NIBAN3: variants seen among roughly 807,000 people sequenced by gnomAD.
NIBAN3 encodes the protein protein Niban 3.
In NIBAN3, 66 loss-of-function variants were observed where a neutral mutation model predicts 76.4. The observed-to-expected ratio is 0.86, with a 90% CI of 0.71 to 1.06. The LOEUF is 1.06. Ranked by LOEUF, NIBAN3 falls within the 50% of genes least tolerant of loss-of-function variation. NIBAN3 has a pLI of 0.00. For synonymous variants in NIBAN3, 360 were observed against 355.2 expected (o/e 1.01, Z -0.15); for missense variants, 808 against 810.7 (o/e 1.00, Z 0.04).
At chr19:17,540,878 C>T (rs1023534920) in intron 9 of NIBAN3, among the ~76,000 whole-genome samples, 2 of 152,160 alleles carry the variant, frequency 1.3e-5, no homozygotes, top group East Asian at 1.9e-4. Flanking sequence ...GAAATACAGG[C>T]GCACGCCACC....
At chr19:17,539,530 C>A (rs560363849) in intron 7 of NIBAN3, 73 bp from the exon 8 acceptor site, 33 of 1,467,044 alleles carry the variant, frequency 2.2e-5, no homozygotes, top group Non-Finnish European at 3.0e-5. Context: ...TCGCCTAAAC[C>A]CTCTCCCGAT....
upstream of NIBAN3, among the ~76,000 whole-genome samples, chr19:17,526,591 T>G (rs2075611195): frequency 1.3e-5 from 2 of 150,858 alleles, no homozygotes; most frequent in Admixed American, 1.3e-4. Flanking sequence ...CAGGCTGCAG[T>G]GAGCCATGAT....
At chr19:17,546,846 G>A (rs1172649602) in intron 13 of NIBAN3, 49 bp downstream of exon 13, 2 of 1,549,962 alleles carry the variant, frequency 1.3e-6, no homozygotes, top group Non-Finnish European at 1.7e-6. Context: ...TCCCTTGGCT[G>A]TATGTACCGA....
chr19:17,552,138 G>T lies in NIBAN3; in HGVS notation c.*240G>T. On this transcript the variant is annotated 3_prime_UTR_variant, in exon 15 of 15. Transcript: ENST00000599164. Reference sequence around the variant, plus strand: ...CTGTCACCCGGGCTGGAGTGCAGTGGCAGGATCTCGGCTCACTGCAACCTC... The same window carrying T: ...CTGTCACCCGGGCTGGAGTGCAGTGTCAGGATCTCGGCTCACTGCAACCTC... 1 of 259,528 alleles carries T rather than the reference G, an allele frequency of 3.9e-6. No individual in the cohort carries two copies. The highest frequency in any genetic ancestry group is 2.3e-5 in the African/African-American group (1 of 44,282). The allele number at this position is 259,528 out of a possible 1,614,324, so 16.1% of individuals were successfully genotyped here.
Position 17,553,420 on chromosome 19 carries a change from C to G in NIBAN3, c.*1522C>G. The stretch of plus-strand genomic sequence containing the variant: ...TGCTAACTGGATATTGGCAGCTTCT[C>G]TGCTGTCTTGCAGCTGCTTCCGGAG... On this transcript the variant is annotated 3_prime_UTR_variant, in exon 15 of 15. Transcript: ENST00000599164. 3 of 1,614,202 alleles carry G rather than the reference C, an allele frequency of 1.9e-6. No individual in the cohort carries two copies. The highest frequency in any genetic ancestry group is 2.5e-6 in the Non-Finnish European group (3 of 1,180,034).
At chr19:17,531,469 T>C (rs1176285191) in intron 2 of NIBAN3, among the ~76,000 whole-genome samples, 1 of 152,026 alleles carries the variant, frequency 6.6e-6, no homozygotes, top group East Asian at 1.9e-4. Context: ...TGCGGTAACC[T>C]CTGGGGTTCA....
At position 17,542,078 on chromosome 19, in the gene NIBAN3, T is replaced by C. The variant is rs2075962906; in HGVS notation, c.1171-58T>C. 1 of 1,601,478 alleles carries C rather than the reference T, an allele frequency of 6.2e-7. No individual in the cohort carries two copies. Among genetic ancestry groups the C allele is most frequent in the African/African-American group, 1.3e-5 (1 of 74,770 alleles). On this transcript the variant is annotated intron_variant, in intron 9 of 14. Coordinates refer to ENST00000599164, the MANE Select transcript of NIBAN3 (RefSeq NM_001321827.2). This position sits in a 1 kb window ranked among gnomAD's most constrained non-coding sequence, Gnocchi z 4.8. ...TTTGGTGAATTGGTAATGGGGTCCCTGGCCCTTTGCAATCAGCTGACAGCA... is the reference window on the plus strand; with the variant it reads ...TTTGGTGAATTGGTAATGGGGTCCCCGGCCCTTTGCAATCAGCTGACAGCA...
Position 17,540,532 on chromosome 19 carries a change from C to A in NIBAN3, c.1120C>A (p.Leu374Met). The change falls in exon 9 of 15, where the codon CTG becomes ATG. Residue 374 changes from leucine (L) to methionine (M), a missense_variant. By Grantham distance (15) the Leu-to-Met change is conservative. Coordinates refer to ENST00000599164, the MANE Select transcript of NIBAN3 (RefSeq NM_001321827.2). Reference protein sequence around the residue: ...RTLLAQGMDRLSHRLRQSPSG... With the variant: ...RTLLAQGMDRMSHRLRQSPSG... The stretch of plus-strand genomic sequence containing the variant: ...CCTCCTGGCTCAAGGCATGGACCGA[C>A]TGTCCCACCGCCTGCGCCAGAGCCC... 6.3e-7 allele frequency: 1 copy of A among 1,582,058 alleles called. No individual in the cohort carries two copies. The highest frequency in any genetic ancestry group is 8.6e-7 in the Non-Finnish European group (1 of 1,164,234).
downstream of NIBAN3, chr19:17,555,524 T>A: frequency 2.3e-6 from 1 of 435,486 alleles, no homozygotes. Context: ...CGGGGCGTCC[T>A]GGGTAGGGCT....
chr19:17,528,372 G>A (rs2075648469), intron 1 of NIBAN3, among the ~76,000 whole-genome samples: 1 of 152,160 alleles, frequency 6.6e-6, no homozygotes, highest in Non-Finnish European at 1.5e-5. Context: ...GATTACAGGT[G>A]TGAGCCACTG....
chr19:17,541,510 G>A (rs183231641), intron 9 of NIBAN3, among the ~76,000 whole-genome samples: 1 of 152,218 alleles, frequency 6.6e-6, no homozygotes, highest in African/African-American at 2.4e-5. Flanking sequence ...GCCCAGCACA[G>A]ACAGAACATG....
At chr19:17,532,080 C>G (rs1007468966) in intron 2 of NIBAN3, among the ~76,000 whole-genome samples, 183 bp from the exon 3 acceptor site, 10 of 152,220 alleles carry the variant, frequency 6.6e-5, no homozygotes, top group African/African-American at 2.2e-4. Flanking sequence ...CTGTGCCCAC[C>G]CAGGGCGGGG....
rs769274555 is a variant in NIBAN3 at position 17,543,535 on chromosome 19, G to A, written c.1458G>A (p.Ser486=). 1.4e-5 allele frequency: 22 copies of A among 1,614,008 alleles called. No individual in the cohort carries two copies. Among genetic ancestry groups the A allele is most frequent in the Middle Eastern group, 1.6e-4 (1 of 6,084 alleles). The part of the protein sequence containing the change: ...VRGRVLKKFK[S]DSGLAQRRFI... ...GGTGTGTTGTGCAGAAATTCAAATC[G>A]GACAGCGGGTTGGCGCAGAGGAGGT... Residue 486 remains serine (S), a synonymous_variant, in exon 12 of 15, where the codon TCG becomes TCA. Coordinates refer to ENST00000599164, the MANE Select transcript of NIBAN3 (RefSeq NM_001321827.2).
At chr19:17,524,517 T>C (rs1191108734), upstream of NIBAN3, among the ~76,000 whole-genome samples, 1 of 151,996 alleles carries the variant, frequency 6.6e-6, no homozygotes, top group Non-Finnish European at 1.5e-5. Context: ...ACTCCTGACC[T>C]CAGGTGACCC....
chr19:17,531,326 AACACACACACACACACACAC>A (rs35489460), intron 2 of NIBAN3, among the ~76,000 whole-genome samples: 35 of 129,086 alleles, frequency 2.7e-4, no homozygotes, highest in East Asian at 7.0e-4. Flanking sequence ...GACTCTGTCA[AACACACACACACACACACAC>A]ACACACACAC....
chr19:17,549,741 C>G (rs780482291), intron 14 of NIBAN3: 51 of 621,660 alleles, frequency 8.2e-5, no homozygotes, highest in Non-Finnish European at 1.3e-4. Flanking sequence ...ACCCTCTAAA[C>G]CCAGGCTCTG....
At position 17,527,402 on chromosome 19, in the gene NIBAN3, A is replaced by C; in HGVS notation, c.55+7A>C. ...CAGCGGCAGCACCTAAGGGGTGAGC[A>C]GCCGGGGAGGGGACAGGGTGGGAGT... On this transcript the variant is annotated splice_region_variant and intron_variant, in intron 1 of 14. Coordinates refer to ENST00000599164, the MANE Select transcript of NIBAN3 (RefSeq NM_001321827.2). The C allele has an allele frequency of 2.2e-6, 3 of 1,387,350 alleles. No individual in the cohort carries two copies. The highest frequency in any genetic ancestry group is 1.9e-6 in the Non-Finnish European group (2 of 1,034,570). 85.9% of individuals were successfully genotyped at this position (1,387,350 alleles called of 1,614,324 possible).
At chr19:17,525,069 C>G (rs2075591434), upstream of NIBAN3, among the ~76,000 whole-genome samples, 1 of 152,166 alleles carries the variant, frequency 6.6e-6, no homozygotes, top group South Asian at 2.1e-4. Context: ...CGATGACCTG[C>G]CCGCCTGCCT....
At chr19:17,554,232 C>A (rs569867713), downstream of NIBAN3, among the ~76,000 whole-genome samples, 1 of 152,024 alleles carries the variant, frequency 6.6e-6, no homozygotes, top group Non-Finnish European at 1.5e-5. Context: ...GTAATCCCAG[C>A]AGTTTGGGAG....
Sources: allele counts gnomAD v4.1 joint callset (sites outside exome capture counted in the v4.1 genomes callset), GRCh38; gene constraint gnomAD v4.1.1; non-coding constraint Gnocchi (gnomAD v3.1); transcripts MANE v1.5; gene names NCBI Gene and HGNC (gene_info 2026-07-23, HGNC 2026-07-21).